Variants in CRISPLD2 observed in about 807,000 individuals in gnomAD.
The protein encoded by CRISPLD2 is cysteine-rich secretory protein LCCL domain-containing 2.
CRISPLD2 carries 47 observed loss-of-function variants against 71.1 expected under a neutral mutation model. The ratio of observed to expected loss-of-function variants is 0.66; its 90% CI spans 0.52 to 0.84. The LOEUF (loss-of-function observed/expected upper bound fraction) is 0.84, where lower values mean the gene tolerates loss of function less well. Among genes scored for constraint, CRISPLD2 ranks in the 40% least tolerant of loss-of-function variants. The probability of loss-of-function intolerance (pLI) is 0.00; values close to 1 mark genes in which losing one functional copy is unlikely to be tolerated. For missense variants in CRISPLD2, 830 were observed against 651.1 expected (o/e 1.27, Z -2.99); for synonymous variants, 317 against 250.1 (o/e 1.27, Z -2.52).
chr16:84,834,263 G>T (rs957352244), intron 1 of CRISPLD2, among the ~76,000 whole-genome samples: 1 of 152,252 alleles, frequency 6.6e-6, no homozygotes, highest in Non-Finnish European at 1.5e-5. Flanking sequence ...TTCGCCCTGA[G>T]GGTTGCTGGC....
chr16:84,854,191 CCA>C (rs1263194150), intron 5 of CRISPLD2, among the ~76,000 whole-genome samples: 1 of 152,220 alleles, frequency 6.6e-6, no homozygotes, highest in African/African-American at 2.4e-5. Context: ...CCTCACTGTG[CCA>C]CAGTTTCCTC....
chr16:84,899,678 A>C (rs1313554779), intron 14 of CRISPLD2, among the ~76,000 whole-genome samples: 1 of 152,038 alleles, frequency 6.6e-6, no homozygotes, highest in African/African-American at 2.4e-5. Flanking sequence ...GCCTGCTCTT[A>C]CCTCCAAGGT....
At chr16:84,876,686 G>A (rs952345179) in intron 11 of CRISPLD2, among the ~76,000 whole-genome samples, 6 of 152,122 alleles carry the variant, frequency 3.9e-5, no homozygotes, top group Middle Eastern at 3.4e-3. Flanking sequence ...CCAGCTACTC[G>A]GGAGGCTAAG....
chr16:84,869,520 C>T (rs908972909), intron 8 of CRISPLD2, among the ~76,000 whole-genome samples: 1 of 152,248 alleles, frequency 6.6e-6, no homozygotes, highest in African/African-American at 2.4e-5. Context: ...GAACACTTCA[C>T]TTAGACGTTG....
At chr16:84,873,629 T>C in intron 10 of CRISPLD2, 1 of 340,614 alleles carries the variant, frequency 2.9e-6, no homozygotes, top group Non-Finnish European at 5.2e-6. Context: ...TTAAAATTTC[T>C]TTATTTTGCA....
At chr16:84,829,519 C>T (rs973478323) in intron 1 of CRISPLD2, among the ~76,000 whole-genome samples, 1 of 152,144 alleles carries the variant, frequency 6.6e-6, no homozygotes, top group Non-Finnish European at 1.5e-5. Context: ...GATCTGAGTT[C>T]TCCTTTGATA....
intron 3 of CRISPLD2, among the ~76,000 whole-genome samples, chr16:84,846,794 C>G (rs1019647370): frequency 6.6e-6 from 1 of 152,186 alleles, no homozygotes; most frequent in African/African-American, 2.4e-5. Context: ...GTTCTGTCCC[C>G]TCTCCTTCCC....
intron 1 of CRISPLD2, among the ~76,000 whole-genome samples, chr16:84,830,961 A>G (rs1316229465): frequency 6.6e-6 from 1 of 152,160 alleles, no homozygotes; most frequent in Non-Finnish European, 1.5e-5. Context: ...GAATTGGCAA[A>G]CACCGCAAGG....
chr16:84,889,703 A>T (rs1031495998), intron 14 of CRISPLD2, among the ~76,000 whole-genome samples: 9 of 151,654 alleles, frequency 5.9e-5, no homozygotes, highest in African/African-American at 2.2e-4. Flanking sequence ...ATCAGCTGGG[A>T]GAATTTACTG....
At position 84,880,578 on chromosome 16, in the gene CRISPLD2, T is replaced by C; in HGVS notation, c.1299T>C (p.Tyr433=). ...YWAPVFGTNI[Y]ADTSSICKTA... Reference sequence around the variant, plus strand: ...CTCCGGTGTTTGGAACCAACATCTATGCAGATGTGAGTAGGATGCATTTTC... The same window carrying C: ...CTCCGGTGTTTGGAACCAACATCTACGCAGATGTGAGTAGGATGCATTTTC... Residue 433 remains tyrosine (Y), a synonymous_variant, in exon 13 of 15, where the codon TAT becomes TAC. Coordinates refer to ENST00000262424, the MANE Select transcript of CRISPLD2 (RefSeq NM_031476.4). 4 of 1,612,916 alleles carry C rather than the reference T, an allele frequency of 2.5e-6. No homozygotes were observed. The highest frequency in any genetic ancestry group is 3.4e-6 in the Non-Finnish European group (4 of 1,178,956).
rs140773433 is a variant in CRISPLD2 at position 84,845,820 on chromosome 16, C to T, written c.275C>T (p.Ala92Val). The T allele has an allele frequency of 2.5e-6, 4 of 1,613,924 alleles. No individual in the cohort carries two copies. The highest frequency in any genetic ancestry group is 2.7e-5 in the African/African-American group (2 of 75,050). The change falls in exon 3 of 15, where the codon GCG becomes GTG. Residue 92 changes from alanine to valine, a missense_variant. Coordinates refer to ENST00000262424, the MANE Select transcript of CRISPLD2 (RefSeq NM_031476.4). Reference protein sequence around the residue: ...WDDELEKSAAAWASQCIWEHG... With the variant: ...WDDELEKSAAVWASQCIWEHG... Reference sequence around the variant, plus strand: ...GACGAACTGGAGAAGTCTGCTGCAGCGTGGGCCAGTCAGTGCATCTGGGAG... The same window carrying T: ...GACGAACTGGAGAAGTCTGCTGCAGTGTGGGCCAGTCAGTGCATCTGGGAG...
chr16:84,905,357 G>C (rs544528713), intron 14 of CRISPLD2, among the ~76,000 whole-genome samples: 2 of 152,114 alleles, frequency 1.3e-5, no homozygotes, highest in Non-Finnish European at 2.9e-5. Context: ...CACTTAGAAA[G>C]GTTGAGTTTA....
chr16:84,899,357 G>GA (rs1179630057), intron 14 of CRISPLD2, among the ~76,000 whole-genome samples: 1 of 145,992 alleles, frequency 6.8e-6, no homozygotes, highest in African/African-American at 2.5e-5. Context: ...TCCAAAAAGA[G>GA]AATCAGAGGG....
At chr16:84,845,964 A>AAGTGCTGAGCCCG in intron 3 of CRISPLD2, 60 bp downstream of exon 3, 4 of 1,083,408 alleles carry the variant, frequency 3.7e-6, no homozygotes, top group Non-Finnish European at 5.6e-6. Flanking sequence ...TGCCGGGCTC[A>AAGTGCTGAGCCCG]GCACTTGTGC....
chr16:84,834,956 A>T (rs1314753472), intron 1 of CRISPLD2, among the ~76,000 whole-genome samples: 1 of 152,114 alleles, frequency 6.6e-6, no homozygotes, highest in Non-Finnish European at 1.5e-5. Flanking sequence ...GAGGTCCTGG[A>T]CATTAGGGCT....
At chr16:84,821,737 A>G (rs1249548542) in intron 1 of CRISPLD2, among the ~76,000 whole-genome samples, 1 of 152,122 alleles carries the variant, frequency 6.6e-6, no homozygotes, top group African/African-American at 2.4e-5. Flanking sequence ...ATTTTTTCAG[A>G]GTTTCTTAAG....
At chr16:84,882,845 TG>T in intron 13 of CRISPLD2, among the ~76,000 whole-genome samples, 1 of 152,232 alleles carries the variant, frequency 6.6e-6, no homozygotes, top group Non-Finnish European at 1.5e-5. Flanking sequence ...AGTGAGCACG[TG>T]GCAAAGGTGA....
At chr16:84,832,757 C>T (rs1433708552) in intron 1 of CRISPLD2, among the ~76,000 whole-genome samples, 1 of 152,200 alleles carries the variant, frequency 6.6e-6, no homozygotes, top group East Asian at 1.9e-4. Flanking sequence ...GGCTAAGTCC[C>T]GAGATTCATC....
rs543271681 is a variant in CRISPLD2 at position 84,873,192 on chromosome 16, A to G, written c.1112+70A>G. 1.8e-5 allele frequency: 28 copies of G among 1,554,978 alleles called. No individual in the cohort carries two copies. In the South Asian group the frequency reaches 2.2e-4, roughly 12 times the overall value. The stretch of plus-strand genomic sequence containing the variant: ...TATGACGGTGTTGTTGAAATTTTGA[A>G]AAATACCACACAGGCCGGGCGTGGT... On this transcript the variant is annotated intron_variant, in intron 10 of 14. Transcript: ENST00000262424.
Sources: allele counts gnomAD v4.1 joint callset (sites outside exome capture counted in the v4.1 genomes callset), GRCh38; gene constraint gnomAD v4.1.1; transcripts MANE v1.5; gene names NCBI Gene and HGNC (gene_info 2026-07-23, HGNC 2026-07-21).